NRG3: variants seen among roughly 807,000 people sequenced by gnomAD.
NRG3 encodes neuregulin 3.
Under a neutral mutation model 66.9 loss-of-function variants are expected in NRG3, and 31 were observed. The ratio of observed to expected loss-of-function variants is 0.46; its 90% CI spans 0.35 to 0.63. The LOEUF is 0.63. NRG3 is among the 20% of genes least tolerant of loss of function. NRG3 has a pLI of 0.00. For missense variants in NRG3, 910 were observed against 878.9 expected (o/e 1.04, Z -0.45); for synonymous variants, 393 against 359.4 (o/e 1.09, Z -1.06).
At chr10:82,480,973 C>G (rs549868107) in intron 2 of NRG3, among the ~76,000 whole-genome samples, 1 of 152,266 alleles carries the variant, frequency 6.6e-6, no homozygotes, top group Admixed American at 6.5e-5. Flanking sequence ...TCAGTGCTTC[C>G]CATCCCTTCT....
intron 1 of NRG3, among the ~76,000 whole-genome samples, chr10:81,885,069 C>G (rs948708399): frequency 6.6e-6 from 1 of 152,178 alleles, no homozygotes; most frequent in African/African-American, 2.4e-5. Flanking sequence ...CATTGAGCAA[C>G]AGTTCCCTAC....
At chr10:82,318,603 T>C (rs2135100243) in intron 1 of NRG3, among the ~76,000 whole-genome samples, 1 of 152,332 alleles carries the variant, frequency 6.6e-6, no homozygotes, top group South Asian at 2.1e-4. Context: ...GCATGACTTG[T>C]GGTCCACACA....
At chr10:82,671,542 C>G (rs1430616518) in intron 2 of NRG3, among the ~76,000 whole-genome samples, 16 of 152,178 alleles carry the variant, frequency 1.1e-4, no homozygotes, top group Non-Finnish European at 2.9e-5. Context: ...CACTGCTGAA[C>G]AGGGTGCAGA....
intron 2 of NRG3, among the ~76,000 whole-genome samples, chr10:82,525,905 A>C (rs1846648060): frequency 6.6e-6 from 1 of 152,032 alleles, no homozygotes; most frequent in African/African-American, 2.4e-5. Flanking sequence ...GAAATCAAGA[A>C]TACAATAACT....
At chr10:82,542,298 A>G (rs1025869723) in intron 2 of NRG3, among the ~76,000 whole-genome samples, 9 of 152,194 alleles carry the variant, frequency 5.9e-5, no homozygotes, top group Admixed American at 1.3e-4. Flanking sequence ...GGGAAAATTC[A>G]AGATGTAGTT....
intron 1 of NRG3, among the ~76,000 whole-genome samples, chr10:82,306,039 T>A (rs894478486): frequency 2.6e-5 from 4 of 152,210 alleles, no homozygotes; most frequent in African/African-American, 7.2e-5. Flanking sequence ...ATTGATTTTT[T>A]AAAAATAAAT....
intron 1 of NRG3, among the ~76,000 whole-genome samples, chr10:82,283,084 C>T (rs1175875029): frequency 6.6e-6 from 1 of 152,072 alleles, no homozygotes; most frequent in Non-Finnish European, 1.5e-5. Context: ...ACGAGTTCTC[C>T]TGTCTTCTCG....
At chr10:82,216,570 CTGGG>C (rs1195535295) in intron 1 of NRG3, among the ~76,000 whole-genome samples, 8 of 116,286 alleles carry the variant, frequency 6.9e-5, no homozygotes, top group East Asian at 2.6e-4. Flanking sequence ...ATGTATATAT[CTGGG>C]TGTGTGTGTG....
chr10:82,661,636 C>T (rs888007504), intron 2 of NRG3, among the ~76,000 whole-genome samples: 14 of 152,138 alleles, frequency 9.2e-5, no homozygotes, highest in South Asian at 4.1e-4. Context: ...TGCACATGCA[C>T]GCCTGTGTGC....
chr10:82,253,381 T>A (rs188788601), intron 1 of NRG3, among the ~76,000 whole-genome samples: 2 of 152,302 alleles, frequency 1.3e-5, no homozygotes, highest in Middle Eastern at 3.4e-3. Context: ...AACCAAGAAG[T>A]TGTAGACAAT....
At chr10:82,834,502 A>G (rs1351568483) in intron 3 of NRG3, among the ~76,000 whole-genome samples, 1 of 152,204 alleles carries the variant, frequency 6.6e-6, no homozygotes, top group African/African-American at 2.4e-5. Flanking sequence ...AAGACGGCCA[A>G]CAATCATTTG....
intron 1 of NRG3, among the ~76,000 whole-genome samples, chr10:82,261,702 G>C (rs2078040883): frequency 6.6e-6 from 1 of 152,196 alleles, no homozygotes; most frequent in Non-Finnish European, 1.5e-5. Context: ...GAAACAAAGG[G>C]ATGGGCTCTG....
chr10:81,945,539 A>G (rs1016242618), intron 1 of NRG3, among the ~76,000 whole-genome samples: 1 of 152,170 alleles, frequency 6.6e-6, no homozygotes, highest in African/African-American at 2.4e-5. Context: ...AACACATAAT[A>G]TCTTTGCTCT....
chr10:82,127,762 C>A (rs1264706625), intron 1 of NRG3, among the ~76,000 whole-genome samples: 1 of 151,988 alleles, frequency 6.6e-6, no homozygotes, highest in Non-Finnish European at 1.5e-5. Context: ...ACTCTCAGCA[C>A]AGCCACTGAT....
chr10:82,107,537 C>T (rs1271043477), intron 1 of NRG3, among the ~76,000 whole-genome samples: 1 of 152,058 alleles, frequency 6.6e-6, no homozygotes, highest in Admixed American at 6.6e-5. Context: ...GGTGGAAAAA[C>T]AGAAAAAAAT....
intron 4 of NRG3, among the ~76,000 whole-genome samples, chr10:82,905,470 AT>A (rs1441881730): frequency 6.6e-6 from 1 of 152,146 alleles, no homozygotes; most frequent in African/African-American, 2.4e-5. Flanking sequence ...CAAAATCTCT[AT>A]TATTTGAATG....
intron 1 of NRG3, among the ~76,000 whole-genome samples, chr10:82,178,387 C>G (rs2073185466): frequency 6.6e-6 from 1 of 152,022 alleles, no homozygotes; most frequent in African/African-American, 2.4e-5. Flanking sequence ...CTCGGTTAGC[C>G]CTTTGCCCAG....
At chr10:82,817,551 G>A (rs920831902) in intron 3 of NRG3, among the ~76,000 whole-genome samples, 4 of 151,812 alleles carry the variant, frequency 2.6e-5, no homozygotes, top group East Asian at 1.9e-4. Context: ...TGGTTATTTT[G>A]TCCAAATTGG....
intron 2 of NRG3, among the ~76,000 whole-genome samples, chr10:82,674,773 T>A (rs2053549166): frequency 6.8e-6 from 1 of 147,846 alleles, no homozygotes; most frequent in Admixed American, 6.8e-5. Context: ...CCTGCCGTAA[T>A]GAATTCTTTA....
Sources: gnomAD v4.1 joint callset for allele counts (sites outside exome capture counted in the v4.1 genomes callset) on GRCh38, gnomAD v4.1.1 for gene constraint, MANE v1.5 for transcripts, NCBI Gene and HGNC (gene_info 2026-07-23, HGNC 2026-07-21) for gene names.